The following PCDH19 variants were observed in gnomAD, a reference collection of about 807,000 sequenced individuals.
PCDH19 encodes the protein protocadherin 19.
A neutral mutation model predicts 46.2 loss-of-function variants in PCDH19; 6 were observed. The observed-to-expected ratio is 0.13, with a 90% CI of 0.07 to 0.26. The LOEUF is 0.26. Among genes scored for constraint, PCDH19 ranks in the 10% least tolerant of loss-of-function variants. PCDH19 has a pLI of 1.00. For missense variants in PCDH19, 740 were observed against 972.3 expected (o/e 0.76, Z 3.18); for synonymous variants, 481 against 415.7 (o/e 1.16, Z -1.91).
At chrX:100,371,380 A>G (rs5967124) in intron 3 of PCDH19, among the ~76,000 whole-genome samples, 32,413 of 110,307 alleles carry the variant, frequency 0.29, 3,679 homozygotes, top group Non-Finnish European at 0.35. Flanking sequence ...TTCAACGTCT[A>G]TCTCCTGTAC....
intron 3 of PCDH19, among the ~76,000 whole-genome samples, chrX:100,398,812 G>A (rs937018767): frequency 1.1e-4 from 12 of 111,907 alleles, no homozygotes; most frequent in African/African-American, 3.6e-4. Context: ...GAGTGGACTC[G>A]TCTATAATCC....
Position 100,406,981 on chromosome X carries a change from G to C in PCDH19, c.1617C>G (p.Gly539=). 1 of 1,212,039 alleles carries C rather than the reference G, an allele frequency of 8.3e-7. No homozygotes were observed. Among genetic ancestry groups the C allele is most frequent in the Non-Finnish European group, 1.1e-6 (1 of 895,592 alleles). ...FEFKVLAKDG[G]LPSLQSNATV... ...TAGCGTTGCTTTGCAGTGAGGGAAG[G>C]CCGCCGTCCTTGGCCAGCACCTTGA... The change falls in exon 1 of 6, where the codon GGC becomes GGG. Residue 539 remains glycine (G), a synonymous_variant. Coordinates refer to ENST00000373034, the MANE Select transcript of PCDH19 (RefSeq NM_001184880.2).
intron 5 of PCDH19, among the ~76,000 whole-genome samples, chrX:100,302,320 A>T (rs1159360458): frequency 4.5e-5 from 5 of 111,902 alleles, no homozygotes; most frequent in Non-Finnish European, 7.5e-5. Flanking sequence ...ACAATTCATG[A>T]TTAATACATT....
At chrX:100,398,229 T>G (rs901322904) in intron 3 of PCDH19, among the ~76,000 whole-genome samples, 2 of 112,327 alleles carry the variant, frequency 1.8e-5, no homozygotes, top group Non-Finnish European at 3.8e-5. Context: ...AAAATCCACA[T>G]AGCTGATTTC....
At position 100,408,725 on chromosome X, in the gene PCDH19, G is replaced by A; in HGVS notation, c.-128C>T. On this transcript the variant is annotated 5_prime_UTR_variant, in exon 1 of 6. Coordinates refer to ENST00000373034, the MANE Select transcript of PCDH19 (RefSeq NM_001184880.2). ...CCCCGTGGCCCCGGAGGCCGCGGGAGAAGTCCCGCCCAGGGCGGCCCGGCG... is the reference window on the plus strand; with the variant it reads ...CCCCGTGGCCCCGGAGGCCGCGGGAAAAGTCCCGCCCAGGGCGGCCCGGCG... 1.8e-6 allele frequency: 1 copy of A among 544,428 alleles called. No homozygotes were observed. The highest frequency in any genetic ancestry group is 2.8e-6 in the Non-Finnish European group (1 of 357,721). 44.9% of individuals were successfully genotyped at this position (544,428 alleles called of 1,213,427 possible).
At chrX:100,354,448 C>G (rs554082409) in intron 3 of PCDH19, among the ~76,000 whole-genome samples, 2 of 111,775 alleles carry the variant, frequency 1.8e-5, no homozygotes, top group South Asian at 7.5e-4. Flanking sequence ...GAATTGGACC[C>G]AGGCACTGGG....
chrX:100,385,720 C>T (rs773777137), intron 3 of PCDH19, among the ~76,000 whole-genome samples: 1 of 111,111 alleles, frequency 9.0e-6, no homozygotes, highest in East Asian at 2.9e-4. Context: ...CATGGCGAAA[C>T]CCCGTCTCAC....
rs764046954 is a variant in PCDH19, at chrX:100,394,244, C to T, written c.2616+8280G>A. ...AGGAGAACACAGACTTGACACCAAG[C>T]TTCCTGCCTGCTTCAGTCCCAAAGG... On this transcript the variant is annotated intron_variant, in intron 3 of 5. Coordinates refer to ENST00000373034, the MANE Select transcript of PCDH19 (RefSeq NM_001184880.2). 2.0e-4 allele frequency among the ~76,000 whole-genome samples: 23 copies of T among 112,313 alleles called. No homozygotes were observed. The East Asian group carries it at 6.5e-3, about 32-fold the overall frequency.
At chrX:100,355,369 G>A (rs1926679327) in intron 3 of PCDH19, among the ~76,000 whole-genome samples, 1 of 111,419 alleles carries the variant, frequency 9.0e-6, no homozygotes, top group Admixed American at 9.6e-5. Flanking sequence ...GTATACTCAA[G>A]GACCCCAAAC....
At chrX:100,341,401 A>C (rs1319648553) in intron 5 of PCDH19, among the ~76,000 whole-genome samples, 1 of 111,745 alleles carries the variant, frequency 8.9e-6, no homozygotes, top group East Asian at 2.8e-4. Flanking sequence ...CAAAATGGGA[A>C]GTTTGGTATT....
intron 3 of PCDH19, among the ~76,000 whole-genome samples, chrX:100,385,544 G>A (rs191880344): frequency 1.2e-4 from 14 of 112,035 alleles, no homozygotes; most frequent in African/African-American, 2.9e-4. Context: ...CCTATCTGTA[G>A]AACAGAATAC....
intron 5 of PCDH19, among the ~76,000 whole-genome samples, chrX:100,297,560 G>A (rs960437093): frequency 5.4e-5 from 6 of 111,574 alleles, no homozygotes; most frequent in African/African-American, 1.6e-4. Flanking sequence ...AAACATCAGT[G>A]ACATGTTGGT....
intron 5 of PCDH19, among the ~76,000 whole-genome samples, chrX:100,301,034 G>A (rs1924763848): frequency 9.0e-6 from 1 of 110,934 alleles, no homozygotes; most frequent in African/African-American, 3.3e-5. Context: ...AAAAAGACCA[G>A]AATATGCTAT....
rs1357625223 is a variant in PCDH19 at position 100,379,320 on chromosome X, CACACACACACACACACACACACACACA to C, written c.2616+23177_2616+23203del. On this transcript the variant is annotated intron_variant, in intron 3 of 5. Coordinates refer to ENST00000373034, the MANE Select transcript of PCDH19 (RefSeq NM_001184880.2). ...TCTGTCACATACACACACACACACA[CACACACACACACACACACACACACACA>C]CATTTCCTCCCAGCTCTCAGGAACA... 1.6e-3 allele frequency among the ~76,000 whole-genome samples: 7 copies of C among 4,329 alleles called. No individual in the cohort carries two copies. In the Non-Finnish European group the frequency reaches 0.056, roughly 34 times the overall value. The allele number at this position is 4,329 out of a possible 115,157, so 3.8% of individuals were successfully genotyped here. A position where few individuals can be genotyped will look rare whatever the true frequency, so the allele number is the denominator to read the frequency against.
Position 100,408,042 on chromosome X carries a change from G to C in PCDH19, c.556C>G (p.Arg186Gly). The C allele has an allele frequency of 1.7e-6, 2 of 1,208,773 alleles. No individual in the cohort carries two copies. Among genetic ancestry groups the C allele is most frequent in the East Asian group, 3.0e-5 (1 of 33,837 alleles). Reference sequence around the variant, plus strand: ...TTTTCCACCACGAGTTCGGCAAAGCGGGAGCCGTCGCCGCGCGTCTTGATC... The same window carrying C: ...TTTTCCACCACGAGTTCGGCAAAGCCGGAGCCGTCGCCGCGCGTCTTGATC... ...LEIKTRGDGS[R>G]FAELVVEKSL... The change falls in exon 1 of 6, where the codon CGC (arginine) becomes GGC (glycine). Residue 186 changes from arginine (R) to glycine (G), a missense_variant. Coordinates refer to ENST00000373034, the MANE Select transcript of PCDH19 (RefSeq NM_001184880.2).
chrX:100,362,653 C>T (rs1443305583), intron 3 of PCDH19, among the ~76,000 whole-genome samples: 1 of 108,439 alleles, frequency 9.2e-6, no homozygotes, highest in Non-Finnish European at 1.9e-5. Flanking sequence ...AAAAAATTAG[C>T]CGGGCGTGGT....
At chrX:100,300,493 C>T (rs781690648) in intron 5 of PCDH19, among the ~76,000 whole-genome samples, 1 of 111,833 alleles carries the variant, frequency 8.9e-6, no homozygotes, top group South Asian at 3.7e-4. Flanking sequence ...CTATCTGTGA[C>T]CTGATACTTT....
At chrX:100,385,094 G>A (rs1271388161) in intron 3 of PCDH19, among the ~76,000 whole-genome samples, 1 of 106,756 alleles carries the variant, frequency 9.4e-6, no homozygotes, top group Non-Finnish European at 1.9e-5. Flanking sequence ...GGAAGGTGGA[G>A]GTTGCAGTGA....
At position 100,408,513 on chromosome X, in the gene PCDH19, C is replaced by T; in HGVS notation, c.85G>A (p.Val29Ile). Residue 29 changes from valine to isoleucine, a missense_variant, in exon 1 of 6, where the codon GTA becomes ATA. Physicochemically the swap from Val to Ile is conservative, Grantham distance 29 (BLOSUM62 3). Transcript: ENST00000373034. ...AAALINLKYS[V>I]EEEQRAGTVI... ...GTCCCGGCGCGCTGCTCCTCTTCTACCGAGTACTTGAGATTAATGAGGGCG... is the reference window on the plus strand; with the variant it reads ...GTCCCGGCGCGCTGCTCCTCTTCTATCGAGTACTTGAGATTAATGAGGGCG... The T allele has an allele frequency of 8.3e-7, 1 of 1,201,978 alleles. No individual in the cohort carries two copies. The highest frequency in any genetic ancestry group is 1.1e-6 in the Non-Finnish European group (1 of 893,102).
Sources: allele counts gnomAD v4.1 joint callset (sites outside exome capture counted in the v4.1 genomes callset), GRCh38; gene constraint gnomAD v4.1.1; transcripts MANE v1.5; gene names NCBI Gene and HGNC (gene_info 2026-07-23, HGNC 2026-07-21).